Variants in ERBB3 observed in about 807,000 individuals in gnomAD.
ERBB3 encodes the protein erb-b2 receptor tyrosine kinase 3, also known as receptor tyrosine-protein kinase erbB-3.
Under a neutral mutation model 156.7 loss-of-function variants are expected in ERBB3, and 96 were observed. The observed-to-expected ratio is 0.61, with a 90% CI of 0.52 to 0.73. ERBB3 has a LOEUF of 0.73. Ranked by LOEUF, ERBB3 falls within the 30% of genes least tolerant of loss-of-function variation. The pLI is 0.00. For synonymous variants in ERBB3, 567 were observed against 632.0 expected, an observed-to-expected ratio of 0.90 and a Z score of 1.54; for missense variants, 1,406 against 1,709.4, an observed-to-expected ratio of 0.82 and a Z score of 3.13.
At chr12:56,081,225 C>G (rs1273734272) in intron 1 of ERBB3, among the ~76,000 whole-genome samples, 1 of 152,212 alleles carries the variant, frequency 6.6e-6, no homozygotes, top group African/African-American at 2.4e-5. Flanking sequence ...CTTGTGCCTC[C>G]CGCCCCCATT....
intron 7 of ERBB3, 100 bp from the exon 8 acceptor site, chr12:56,088,443 G>A: frequency 2.0e-6 from 2 of 987,440 alleles, no homozygotes; most frequent in Non-Finnish European, 1.6e-6. Flanking sequence ...GACAAATCCA[G>A]TGCAGAGCTG....
Position 56,088,637 on chromosome 12 carries a change from T to A in ERBB3, c.969T>A (p.Cys323Ter). Residue 323 changes from cysteine to a stop codon, truncating the protein, a stop_gained, in exon 8 of 28, where the codon TGT becomes TGA. Coordinates refer to ENST00000267101, the MANE Select transcript of ERBB3 (RefSeq NM_001982.4). LOFTEE classifies it high-confidence loss of function. ...ATGGGCTCAAGATGTGTGAGCCTTG[T>A]GGGGGACTATGTCCCAAAGGTGGGT... is the stretch of plus-strand genomic sequence containing the variant. Reference protein sequence around the residue: ...DKNGLKMCEPCGGLCPKACEG... With the variant: ...DKNGLKMCEP 1 of 1,614,076 alleles carries A rather than the reference T, an allele frequency of 6.2e-7. No individual in the cohort carries two copies.
intron 9 of ERBB3, 161 bp downstream of exon 9, chr12:56,089,029 C>T (rs1868581168): frequency 2.1e-6 from 2 of 933,944 alleles, no homozygotes; most frequent in South Asian, 2.7e-5. Flanking sequence ...CATCCTCCAT[C>T]CAGGCCTTCG....
intron 17 of ERBB3, 198 bp downstream of exon 17, chr12:56,096,004 G>A: frequency 1.6e-6 from 1 of 634,324 alleles, no homozygotes. Flanking sequence ...ACACTGGTCA[G>A]AGAAATGGGA....
At chr12:56,098,328 C>T (rs574417750) in intron 21 of ERBB3, 172 bp from the exon 22 acceptor site, 14 of 631,194 alleles carry the variant, frequency 2.2e-5, no homozygotes, top group East Asian at 1.7e-4. Flanking sequence ...AGGAGAATGG[C>T]GTGAACCCAG....
At chr12:56,084,113 T>G (rs893413100) in intron 2 of ERBB3, among the ~76,000 whole-genome samples, 5 of 152,118 alleles carry the variant, frequency 3.3e-5, no homozygotes, top group South Asian at 4.2e-4. Context: ...GGGGGCAGGG[T>G]CAGGGGCAGG....
chr12:56,094,005 G>A (rs1354823705), intron 13 of ERBB3, 94 bp from the exon 14 acceptor site: 1 of 1,566,630 alleles, frequency 6.4e-7, no homozygotes, highest in East Asian at 2.2e-5. Context: ...ATGTGCCTTG[G>A]TGGGATTGAG....
chr12:56,093,826 G>A lies in ERBB3; in HGVS notation c.1543G>A (p.Gly515Ser), dbSNP rs751658102. The change falls in exon 13 of 28, where the codon GGT becomes AGT. Residue 515 changes from glycine to serine, a missense_variant. Physicochemically the swap from Gly to Ser is moderately conservative, Grantham distance 56. This residue lies in a region of ERBB3 where 979 missense variants were observed against 1,219.6 expected (regional missense o/e 0.80). Coordinates refer to ENST00000267101, the MANE Select transcript of ERBB3 (RefSeq NM_001982.4). ...TGGGGGATGCTGGGGCCCAGGCCCT[G>A]GTCAGTGCTTGTCCTGTCGAAATTA... Reference protein sequence around the residue: ...SSGGCWGPGPGQCLSCRNYSR... With the variant: ...SSGGCWGPGPSQCLSCRNYSR... 2.2e-5 allele frequency: 35 copies of A among 1,613,952 alleles called. No homozygotes were observed. The highest frequency in any genetic ancestry group is 2.9e-5 in the Non-Finnish European group (34 of 1,179,998).
At position 56,095,299 on chromosome 12, in the gene ERBB3, G is replaced by C. The variant is rs55702663; in HGVS notation, c.1902G>C (p.Leu634=). 1.9e-6 allele frequency: 3 copies of C among 1,613,746 alleles called. No homozygotes were observed. The highest frequency in any genetic ancestry group is 2.5e-6 in the Non-Finnish European group (3 of 1,179,628). Residue 634 remains leucine (L), a synonymous_variant, in exon 16 of 28, where the codon CTG becomes CTC. Coordinates refer to ENST00000267101, the MANE Select transcript of ERBB3 (RefSeq NM_001982.4). ...TTCAAGACTGTTTAGGACAAACACT[G>C]GTGCTGATCGGGTATGATGGGGTTG... ...PELQDCLGQT[L]VLIGKTHLTM...
Position 56,102,386 on chromosome 12 carries a change from A to G in ERBB3, c.*331A>G, listed in dbSNP as rs1017102258. The G allele has an allele frequency of 5.2e-5, 18 of 348,638 alleles. No individual in the cohort carries two copies. The highest frequency in any genetic ancestry group is 7.4e-5 in the Non-Finnish European group (14 of 188,264). 21.6% of individuals were successfully genotyped at this position (348,638 alleles called of 1,614,324 possible). A position where few individuals can be genotyped will look rare whatever the true frequency, so the allele number is the denominator to read the frequency against. ...ATCCCTTCCTCTCAGGCTCTTGACT[A>G]CTTGGAACTAGGCTCTTATGTGTGC... On this transcript the variant is annotated 3_prime_UTR_variant, in exon 28 of 28. Transcript: ENST00000267101.
intron 1 of ERBB3, among the ~76,000 whole-genome samples, chr12:56,081,002 G>A (rs1252051780): frequency 6.6e-6 from 1 of 152,180 alleles, no homozygotes; most frequent in African/African-American, 2.4e-5. Flanking sequence ...CCTTTCCTCA[G>A]TATAGCAGAG....
chr12:56,099,283 C>T (rs1461287579), intron 23 of ERBB3, among the ~76,000 whole-genome samples: 1 of 151,038 alleles, frequency 6.6e-6, no homozygotes, highest in Non-Finnish European at 1.5e-5. Context: ...TGACTTCCCT[C>T]TGTACTCCTC....
At chr12:56,099,611 CTCTTT>C (rs1869019302) in intron 23 of ERBB3, 32 bp from the exon 24 acceptor site, 2 of 1,575,658 alleles carry the variant, frequency 1.3e-6, no homozygotes, top group African/African-American at 2.7e-5. Flanking sequence ...GGAATGTATT[CTCTTT>C]TATGTCTCTA....
intron 9 of ERBB3, among the ~76,000 whole-genome samples, chr12:56,091,697 G>A (rs1330591898): frequency 6.6e-6 from 1 of 152,028 alleles, no homozygotes; most frequent in Non-Finnish European, 1.5e-5. Context: ...GGATGTACGT[G>A]ATGTTGATTT....
chr12:56,094,436 G>T lies in ERBB3; in HGVS notation c.1739G>T (p.Arg580Leu). ...SDTCAQCAHF[R>L]DGPHCVSSCP... ...ACTTGTGCTCAATGTGCCCATTTTCGAGATGGGCCCCACTGTGTGAGCAGC... is the reference window on the plus strand; with the variant it reads ...ACTTGTGCTCAATGTGCCCATTTTCTAGATGGGCCCCACTGTGTGAGCAGC... Residue 580 changes from arginine (R) to leucine (L), a missense_variant, in exon 15 of 28, where the codon CGA (arginine) becomes CTA (leucine). Physicochemically the swap from Arg to Leu is moderately radical, Grantham distance 102 (BLOSUM62 -2). This residue lies in a region of ERBB3 where 979 missense variants were observed against 1,219.6 expected (regional missense o/e 0.80). Coordinates refer to ENST00000267101, the MANE Select transcript of ERBB3 (RefSeq NM_001982.4). 1 of 1,614,048 alleles carries T rather than the reference G, an allele frequency of 6.2e-7. No individual in the cohort carries two copies. The highest frequency in any genetic ancestry group is 8.5e-7 in the Non-Finnish European group (1 of 1,180,006).
intron 20 of ERBB3, among the ~76,000 whole-genome samples, chr12:56,097,452 T>C (rs1868925287): frequency 6.6e-6 from 1 of 152,200 alleles, no homozygotes; most frequent in Non-Finnish European, 1.5e-5. Context: ...ATCACTTGCA[T>C]TACCGCCCGA....
chr12:56,096,683 G>A, intron 18 of ERBB3, 61 bp downstream of exon 18: 1 of 1,613,818 alleles, frequency 6.2e-7, no homozygotes, highest in South Asian at 1.1e-5. Flanking sequence ...AGGGGTGAAA[G>A]ATTTTTGCAT....
In ERBB3 at chr12:56,087,646, G is replaced by A; in HGVS notation, c.613+4G>A. 1 of 1,613,940 alleles carries A rather than the reference G, an allele frequency of 6.2e-7. No individual in the cohort carries two copies. Among genetic ancestry groups the A allele is most frequent in the Non-Finnish European group, 8.5e-7 (1 of 1,179,842 alleles). On this transcript the variant is annotated splice_donor_region_variant and intron_variant, in intron 5 of 27. Transcript: ENST00000267101. ...GGATCAGAAGACTGCCAGACATGTG[G>A]GTTTGAAATTCCCTCCAAAAACTTC...
chr12:56,099,110 C>G, intron 23 of ERBB3: 1 of 595,982 alleles, frequency 1.7e-6, no homozygotes. Flanking sequence ...AGGCGCCCGC[C>G]ACACCTGGAT....
Sources: gnomAD v4.1 joint callset for allele counts (sites outside exome capture counted in the v4.1 genomes callset) on GRCh38, gnomAD v4.1.1 for gene constraint, gnomAD v4.1.1 regional missense constraint, MANE v1.5 for transcripts, NCBI Gene and HGNC (gene_info 2026-07-23, HGNC 2026-07-21) for gene names.